Variants in GRK2 observed in about 807,000 individuals in gnomAD.
GRK2 encodes the protein adrenergic beta receptor kinase 1.
In GRK2, 23 loss-of-function variants were observed where a neutral mutation model predicts 97.8. The observed-to-expected ratio is 0.24, with a 90% CI of 0.17 to 0.33. The LOEUF (loss-of-function observed/expected upper bound fraction) is 0.33, where lower values mean the gene tolerates loss of function less well. Among genes scored for constraint, GRK2 ranks in the 10% least tolerant of loss-of-function variants. The probability of loss-of-function intolerance (pLI) is 1.00; values close to 1 mark genes in which losing one functional copy is unlikely to be tolerated. For missense variants in GRK2, 633 were observed against 956.9 expected, an observed-to-expected ratio of 0.66 and a Z score of 4.47; for synonymous variants, 425 against 381.7, an observed-to-expected ratio of 1.11 and a Z score of -1.32.
At chr11:67,275,425 C>T (rs1169754294) in intron 1 of GRK2, among the ~76,000 whole-genome samples, 1 of 152,228 alleles carries the variant, frequency 6.6e-6, no homozygotes, top group Non-Finnish European at 1.5e-5. Flanking sequence ...ACGGGGCTGG[C>T]CTCATAACCC....
intron 1 of GRK2, among the ~76,000 whole-genome samples, chr11:67,273,305 G>C (rs76554515): frequency 8.1e-4 from 124 of 152,350 alleles, no homozygotes; most frequent in African/African-American, 3.0e-3. Flanking sequence ...TGTTGAGGCC[G>C]CTTGGTTCTC....
intron 6 of GRK2, 69 bp downstream of exon 6, chr11:67,279,969 G>A (rs1156256283): frequency 1.4e-5 from 21 of 1,498,482 alleles, no homozygotes; most frequent in East Asian, 9.0e-5. Context: ...TATGGCTGGC[G>A]TGGAGGGCAG....
At chr11:67,266,847 C>T in intron 1 of GRK2, 35 bp downstream of exon 1, 1 of 1,086,560 alleles carries the variant, frequency 9.2e-7, no homozygotes, top group Non-Finnish European at 1.2e-6. Context: ...CGGCCCGACC[C>T]CGCGGGCGCC....
intron 1 of GRK2, among the ~76,000 whole-genome samples, chr11:67,271,354 G>A (rs4930193): frequency 6.6e-6 from 1 of 152,240 alleles, no homozygotes; most frequent in Non-Finnish European, 1.5e-5. Flanking sequence ...GCAAAAGGAC[G>A]CGTCTATGCT....
Position 67,282,241 on chromosome 11 carries a change from C to T in GRK2, c.958-30C>T, listed in dbSNP as rs772908657. The T allele has an allele frequency of 6.2e-7, 1 of 1,607,992 alleles. No homozygotes were observed. Among genetic ancestry groups the T allele is most frequent in the African/African-American group, 1.3e-5 (1 of 74,946 alleles). ...CTGGCTGGGCCCCATCCTGAGCTGC[C>T]CCAGGCAGCTCACTGGGCTTCCTTC... is the stretch of plus-strand genomic sequence containing the variant. On this transcript the variant is annotated intron_variant, in intron 11 of 20. Coordinates refer to ENST00000308595, the MANE Select transcript of GRK2 (RefSeq NM_001619.5). The surrounding 1 kb of genome is among the most constrained non-coding windows in gnomAD (Gnocchi z 6.9).
At chr11:67,278,870 G>A (rs1418966108) in intron 2 of GRK2, among the ~76,000 whole-genome samples, 1 of 152,172 alleles carries the variant, frequency 6.6e-6, no homozygotes, top group Non-Finnish European at 1.5e-5. Flanking sequence ...TGCAGTGAGT[G>A]GGGGCCCAGG....
intron 17 of GRK2, 54 bp downstream of exon 17, chr11:67,284,003 A>G: frequency 1.3e-6 from 2 of 1,497,234 alleles, no homozygotes; most frequent in Non-Finnish European, 9.2e-7. Flanking sequence ...GGCCTGGGGA[A>G]GGATCCCTCT....
intron 2 of GRK2, 51 bp downstream of exon 2, chr11:67,277,399 A>C (rs565234503): frequency 3.9e-6 from 6 of 1,537,414 alleles, no homozygotes; most frequent in South Asian, 1.1e-5. Context: ...TCTTGCCCCT[A>C]CCCCAGCCAG....
rs1397908259 is a variant in GRK2, at chr11:67,280,742, A to G, written c.514A>G (p.Thr172Ala). ...ATTCTTCTTTTCCAGCGATAAGTTCACACGGTTTTGCCAGTGGAAGAATGT... is the reference window on the plus strand; with the variant it reads ...ATTCTTCTTTTCCAGCGATAAGTTCGCACGGTTTTGCCAGTGGAAGAATGT... ...FQKFIESDKF[T>A]RFCQWKNVEL... is the part of the protein sequence containing the mutation. The change falls in exon 7 of 21, where the codon ACA becomes GCA. Residue 172 changes from threonine to alanine, a missense_variant. Around this residue, in one of 4 missense-constraint regions of GRK2, gnomAD observed 192 missense variants for 362.3 expected, o/e 0.53. Transcript: ENST00000308595. 6.2e-7 allele frequency: 1 copy of G among 1,614,028 alleles called. No homozygotes were observed. The highest frequency in any genetic ancestry group is 1.7e-5 in the Admixed American group (1 of 60,012).
rs746366121 is a variant in GRK2, at chr11:67,281,761, G to A, written c.826+33G>A. Reference sequence around the variant, plus strand: ...CTGGCCGGGCCCTAGGGTGGGCCGGGCCCAGGCACGGGAGGCTGGGGCAAG... The same window carrying A: ...CTGGCCGGGCCCTAGGGTGGGCCGGACCCAGGCACGGGAGGCTGGGGCAAG... On this transcript the variant is annotated intron_variant, in intron 10 of 20. Coordinates refer to ENST00000308595, the MANE Select transcript of GRK2 (RefSeq NM_001619.5). This position sits in a 1 kb window ranked among gnomAD's most constrained non-coding sequence, Gnocchi z 5.7. The A allele has an allele frequency of 3.1e-6, 5 of 1,613,526 alleles. No individual in the cohort carries two copies. The African/African-American group carries it at 5.3e-5, about 17-fold the overall frequency.
At chr11:67,277,503 C>T (rs150614418) in intron 2 of GRK2, among the ~76,000 whole-genome samples, 155 bp downstream of exon 2, 179 of 152,380 alleles carry the variant, frequency 1.2e-3, no homozygotes, top group African/African-American at 4.0e-3. Context: ...CAAGTCGCTG[C>T]GACCCTGCGT....
In GRK2 at chr11:67,266,738, C is replaced by T. The variant is rs778398889; in HGVS notation, c.39C>T (p.Tyr13=). The T allele has an allele frequency of 2.9e-6, 4 of 1,368,560 alleles. No homozygotes were observed. Among genetic ancestry groups the T allele is most frequent in the South Asian group, 1.7e-5 (1 of 59,226 alleles). 84.8% of individuals were successfully genotyped at this position (1,368,560 alleles called of 1,614,324 possible). ...AGGCGGTGCTGGCCGACGTGAGCTA[C>T]CTGATGGCCATGGAGAAGAGCAAGG... ...DLEAVLADVS[Y]LMAMEKSKAT... Residue 13 remains tyrosine (Y), a synonymous_variant, in exon 1 of 21, where the codon TAC becomes TAT. Transcript: ENST00000308595.
intron 1 of GRK2, among the ~76,000 whole-genome samples, chr11:67,271,745 C>T (rs1859912165): frequency 6.6e-6 from 1 of 152,232 alleles, no homozygotes; most frequent in Non-Finnish European, 1.5e-5. Context: ...TTTCTCTCCC[C>T]TGCTCAGGGC....
chr11:67,280,991 A>T, intron 7 of GRK2, 102 bp from the exon 8 acceptor site: 1 of 1,172,618 alleles, frequency 8.5e-7, no homozygotes, highest in Non-Finnish European at 1.2e-6. Flanking sequence ...GGACATGGGT[A>T]TGGGGACCCT....
rs1353413404 is a variant in GRK2, at chr11:67,286,028, C to G, written c.*578C>G. 6.9e-6 allele frequency: 2 copies of G among 288,306 alleles called. No homozygotes were observed. The highest frequency in any genetic ancestry group is 1.3e-5 in the Non-Finnish European group (2 of 151,798). 17.9% of individuals were successfully genotyped at this position (288,306 alleles called of 1,614,324 possible). On this transcript the variant is annotated 3_prime_UTR_variant, in exon 21 of 21. Transcript: ENST00000308595. Reference sequence around the variant, plus strand: ...TCACTGGCTGCCTCCACTCCCACTTCCCTGACACTGCGGGGCTTGGCTGAG... The same window carrying G: ...TCACTGGCTGCCTCCACTCCCACTTGCCTGACACTGCGGGGCTTGGCTGAG...
At position 67,281,229 on chromosome 11, in the gene GRK2, CTCCTGGGGGACCCTGACAGGCCGGGT is replaced by C. The variant is rs768389981; in HGVS notation, c.647+49_647+74del. On this transcript the variant is annotated intron_variant, in intron 8 of 20. Coordinates refer to ENST00000308595, the MANE Select transcript of GRK2 (RefSeq NM_001619.5). The surrounding 1 kb of genome is among the most constrained non-coding windows in gnomAD (Gnocchi z 5.7). ...CGGTGGGATACCTCGGGGAGCCGGG[CTCCTGGGGGACCCTGACAGGCCGGGT>C]TCCACACAGGGCCACCTGCTGCTCC... is the stretch of plus-strand genomic sequence containing the variant. 1.0e-5 allele frequency: 16 copies of C among 1,545,902 alleles called. No homozygotes were observed. In the African/African-American group the frequency reaches 2.2e-4, roughly 21 times the overall value.
rs142643772 is a variant in GRK2, at chr11:67,280,606, G to A, written c.504-126G>A. The A allele has an allele frequency of 1.1e-4, 118 of 1,070,630 alleles. No individual in the cohort carries two copies. The African/African-American group carries it at 1.5e-3, about 13-fold the overall frequency. The allele number at this position is 1,070,630 out of a possible 1,614,324, so 66.3% of individuals were successfully genotyped here. On this transcript the variant is annotated intron_variant, in intron 6 of 20. Coordinates refer to ENST00000308595, the MANE Select transcript of GRK2 (RefSeq NM_001619.5). ...ATCCTTCCTGGAAGAGGACATTAAC[G>A]CTCGTGATGTTTCCACACCTACCCT...
At chr11:67,267,084 G>A (rs780957979) in intron 1 of GRK2, among the ~76,000 whole-genome samples, 6 of 151,944 alleles carry the variant, frequency 3.9e-5, no homozygotes, top group Non-Finnish European at 8.8e-5. Flanking sequence ...CCCCCTGGCC[G>A]CCCTGCTGCT....
chr11:67,284,947 C>T lies in GRK2; in HGVS notation c.1755C>T (p.Pro585=), dbSNP rs1224882767. Residue 585 remains proline (P), a synonymous_variant, in exon 19 of 21, where the codon CCC becomes CCT. Coordinates refer to ENST00000308595, the MANE Select transcript of GRK2 (RefSeq NM_001619.5). ...AGCGGCGGTACTTCTACCTGTTCCC[C>T]AACCGCCTCGAGTGGCGGGGCGAGG... ...QWQRRYFYLF[P]NRLEWRGEGE... is the part of the protein sequence containing the mutation. The T allele has an allele frequency of 2.5e-6, 4 of 1,612,902 alleles. No individual in the cohort carries two copies. Among genetic ancestry groups the T allele is most frequent in the Admixed American group, 1.7e-5 (1 of 59,978 alleles).
Sources: gnomAD v4.1 joint callset for allele counts (sites outside exome capture counted in the v4.1 genomes callset) on GRCh38, gnomAD v4.1.1 for gene constraint, gnomAD v4.1.1 regional missense constraint, Gnocchi (gnomAD v3.1) non-coding constraint, MANE v1.5 for transcripts, NCBI Gene and HGNC (gene_info 2026-07-23, HGNC 2026-07-21) for gene names.